The following LSAMP variants were observed in gnomAD, a reference collection of about 807,000 sequenced individuals.
LSAMP encodes limbic system-associated membrane protein.
Under a neutral mutation model 38.6 loss-of-function variants are expected in LSAMP, and 7 were observed. The ratio of observed to expected loss-of-function variants is 0.18; its 90% CI spans 0.10 to 0.34. The LOEUF (loss-of-function observed/expected upper bound fraction) is 0.34, where lower values mean the gene tolerates loss of function less well. Ranked by LOEUF, LSAMP falls within the 10% of genes least tolerant of loss-of-function variation. The pLI, the probability that LSAMP is intolerant of heterozygous loss-of-function variation, is 1.00. For missense variants in LSAMP, 313 were observed against 420.0 expected (o/e 0.75, Z 2.23); for synonymous variants, 154 against 166.8 (o/e 0.92, Z 0.59).
At chr3:116,224,305 A>T (rs910984483) in intron 1 of LSAMP, among the ~76,000 whole-genome samples, 1 of 152,244 alleles carries the variant, frequency 6.6e-6, no homozygotes, top group Non-Finnish European at 1.5e-5. Context: ...ATTTTACAAG[A>T]TTTCTTTACT....
At chr3:116,007,181 C>A (rs1940185234) in intron 3 of LSAMP, among the ~76,000 whole-genome samples, 1 of 152,088 alleles carries the variant, frequency 6.6e-6, no homozygotes, top group Non-Finnish European at 1.5e-5. Context: ...AATCTTGTGA[C>A]TTCACAGAGC....
chr3:116,394,568 G>C (rs974544120), intron 1 of LSAMP, among the ~76,000 whole-genome samples: 3 of 152,102 alleles, frequency 2.0e-5, no homozygotes, highest in Non-Finnish European at 4.4e-5. Context: ...TGACTCATTA[G>C]AGCATGACTC....
chr3:116,061,485 G>A (rs1214724750), intron 2 of LSAMP, among the ~76,000 whole-genome samples: 9 of 152,082 alleles, frequency 5.9e-5, no homozygotes, highest in Non-Finnish European at 8.8e-5. Flanking sequence ...GGTGGTGGTG[G>A]TGGTAAGCAA....
intron 4 of LSAMP, among the ~76,000 whole-genome samples, chr3:115,843,686 A>ATTT (rs72415585): frequency 1.3e-5 from 2 of 151,296 alleles, no homozygotes; most frequent in African/African-American, 4.9e-5. Flanking sequence ...CTTGTTTCTG[A>ATTT]TATTTTTTTT....
At chr3:116,035,487 G>C (rs1213944916) in intron 2 of LSAMP, among the ~76,000 whole-genome samples, 1 of 152,144 alleles carries the variant, frequency 6.6e-6, no homozygotes, top group Non-Finnish European at 1.5e-5. Context: ...GGAAATGAGT[G>C]ACACTTTACA....
At chr3:115,978,397 G>T (rs1365190195) in intron 3 of LSAMP, among the ~76,000 whole-genome samples, 1 of 151,868 alleles carries the variant, frequency 6.6e-6, no homozygotes, top group African/African-American at 2.4e-5. Context: ...ATGAGGCTAA[G>T]TTACCTGTTC....
chr3:116,347,164 T>G (rs764765746), intron 1 of LSAMP, among the ~76,000 whole-genome samples: 2 of 152,150 alleles, frequency 1.3e-5, no homozygotes, highest in African/African-American at 2.4e-5. Flanking sequence ...GCTGATACTT[T>G]TATACTTAAA....
intron 2 of LSAMP, among the ~76,000 whole-genome samples, chr3:116,073,440 C>G (rs1418980725): frequency 2.0e-5 from 3 of 152,080 alleles, no homozygotes; most frequent in East Asian, 1.9e-4. Context: ...TAGTTTTTTT[C>G]TAATTCTGTG....
intron 1 of LSAMP, among the ~76,000 whole-genome samples, chr3:116,390,582 T>C (rs2048679536): frequency 6.6e-6 from 1 of 151,850 alleles, no homozygotes; most frequent in South Asian, 2.1e-4. Flanking sequence ...CAAGGACCAT[T>C]AGCTGGGCAT....
chr3:116,208,563 G>A (rs911225775), intron 1 of LSAMP, among the ~76,000 whole-genome samples: 1 of 152,180 alleles, frequency 6.6e-6, no homozygotes, highest in African/African-American at 2.4e-5. Flanking sequence ...TGATGGTGAT[G>A]TACAGATGGG....
Position 115,835,629 on chromosome 3 carries a change from G to A in LSAMP, c.919+6216C>T, listed in dbSNP as rs182360378. ...CAAAAATCAAAACCACAATGAGAAA[G>A]GCATATGTGCATATTCAAATCTGAT... On this transcript the variant is annotated intron_variant, in intron 6 of 6. Coordinates refer to ENST00000490035, the MANE Select transcript of LSAMP (RefSeq NM_002338.5). Among the ~76,000 whole-genome samples the A allele has an allele frequency of 1.9e-4, 29 of 152,260 alleles. No individual in the cohort carries two copies. In the East Asian group the frequency reaches 1.9e-3, roughly 10 times the overall value.
intron 1 of LSAMP, among the ~76,000 whole-genome samples, chr3:116,409,561 C>T (rs2048944335): frequency 1.3e-5 from 2 of 151,998 alleles, no homozygotes; most frequent in Admixed American, 1.3e-4. Context: ...CTAATGGCGA[C>T]TGGAAGGGTG....
At chr3:115,979,115 C>T (rs1329625304) in intron 3 of LSAMP, among the ~76,000 whole-genome samples, 3 of 151,374 alleles carry the variant, frequency 2.0e-5, no homozygotes, top group East Asian at 1.9e-4. Context: ...GGGTTGAAGA[C>T]GTGGAGTATC....
intron 1 of LSAMP, among the ~76,000 whole-genome samples, chr3:116,271,155 CAG>C (rs2107670181): frequency 6.6e-6 from 1 of 152,124 alleles, no homozygotes; most frequent in East Asian, 1.9e-4. Flanking sequence ...CAATAAAAAA[CAG>C]AATTCAGCTA....
intron 3 of LSAMP, among the ~76,000 whole-genome samples, chr3:116,008,066 T>G (rs1295429837): frequency 3.9e-5 from 6 of 152,224 alleles, no homozygotes; most frequent in Non-Finnish European, 8.8e-5. Context: ...AGTTAGTTCT[T>G]TCTACTATCT....
rs553500171 is a variant in LSAMP, at chr3:116,326,360, C to T, written c.155+118517G>A. Among the ~76,000 whole-genome samples the T allele has an allele frequency of 3.9e-5, 6 of 152,178 alleles. No homozygotes were observed. In the South Asian group the frequency reaches 1.2e-3, roughly 32 times the overall value. ...GCTATTTTTATTTAGGGCAAAAGAA[C>T]CAAACTTCCCTAAGATTCACCAGAT... On this transcript the variant is annotated intron_variant, in intron 1 of 6. Coordinates refer to ENST00000490035, the MANE Select transcript of LSAMP (RefSeq NM_002338.5).
intron 1 of LSAMP, among the ~76,000 whole-genome samples, chr3:116,096,585 G>A (rs1050831334): frequency 6.6e-6 from 1 of 152,160 alleles, no homozygotes; most frequent in African/African-American, 2.4e-5. Flanking sequence ...CACTTTTAAA[G>A]GATTTTTGGG....
At chr3:115,901,935 T>C (rs2107484355) in intron 3 of LSAMP, among the ~76,000 whole-genome samples, 1 of 152,160 alleles carries the variant, frequency 6.6e-6, no homozygotes, top group South Asian at 2.1e-4. Flanking sequence ...TAACTATTTC[T>C]GGTAAAAATG....
chr3:116,085,056 G>A (rs553044042), intron 2 of LSAMP, among the ~76,000 whole-genome samples: 6 of 152,168 alleles, frequency 3.9e-5, no homozygotes, highest in Admixed American at 3.9e-4. Flanking sequence ...TTCTAGTTAT[G>A]TTTACAAATT....
Sources: gnomAD v4.1 joint callset for allele counts (sites outside exome capture counted in the v4.1 genomes callset) on GRCh38, gnomAD v4.1.1 for gene constraint, MANE v1.5 for transcripts, NCBI Gene and HGNC (gene_info 2026-07-23, HGNC 2026-07-21) for gene names.